KATNAL2: variants seen among roughly 807,000 people sequenced by gnomAD.
KATNAL2 encodes the protein katanin p60 ATPase-containing subunit A-like 2.
Under a neutral mutation model 76.3 loss-of-function variants are expected in KATNAL2, and 52 were observed. That is an observed-to-expected ratio of 0.68 (90% CI 0.55 to 0.86). The LOEUF is 0.86. KATNAL2 is among the 40% of genes least tolerant of loss of function. The pLI, the probability that KATNAL2 is intolerant of heterozygous loss-of-function variation, is 0.00. For missense variants in KATNAL2, 660 were observed against 668.9 expected (o/e 0.99, Z 0.15); for synonymous variants, 243 against 244.2 (o/e 1.00, Z 0.05).
intron 3 of KATNAL2, chr18:47,033,007 C>A (rs1017975763): frequency 7.4e-6 from 12 of 1,613,986 alleles, no homozygotes; most frequent in African/African-American, 4.0e-5. Flanking sequence ...CTGAGTTTAT[C>A]GTCGGGAGAA....
chr18:46,944,354 A>G (rs969328078), intron 1 of KATNAL2, among the ~76,000 whole-genome samples: 2 of 152,228 alleles, frequency 1.3e-5, no homozygotes, highest in African/African-American at 4.8e-5. Flanking sequence ...AAAAATTAAT[A>G]CAAATAAAAA....
intron 3 of KATNAL2, chr18:47,033,359 C>T (rs78014467): frequency 0.03 from 48,085 of 1,614,130 alleles, 910 homozygotes; most frequent in South Asian, 0.037. Context: ...GCCTCTCTGC[C>T]GTTGGGGTTG....
At chr18:47,098,304 G>T in intron 15 of KATNAL2, 1 of 301,856 alleles carries the variant, frequency 3.3e-6, no homozygotes, top group Non-Finnish European at 6.5e-6. Context: ...AAATTAACTG[G>T]ACTTACAGTT....
At position 46,919,005 on chromosome 18, in the gene KATNAL2, A is replaced by ATG. The variant is rs778074259; in HGVS notation, c.-510+1080_-510+1081insGT. Among the ~76,000 whole-genome samples the ATG allele has an allele frequency of 7.2e-3, 1,067 of 147,264 alleles. 2 individuals carry two copies. Among genetic ancestry groups the ATG allele is most frequent in the Non-Finnish European group, 0.011 (732 of 67,416 alleles). On this transcript the variant is annotated intron_variant, in intron 1 of 17. Coordinates refer to ENST00000683218, the MANE Select transcript of KATNAL2 (RefSeq NM_001387690.1). ...TATATGTGTGTGCGTGTATATATAT[A>ATG]TATGTGTGTGTGTGTGTGTGTGTGT...
intron 1 of KATNAL2, among the ~76,000 whole-genome samples, chr18:46,931,016 C>T (rs929472208): frequency 1.3e-5 from 2 of 151,620 alleles, no homozygotes; most frequent in Non-Finnish European, 1.5e-5. Flanking sequence ...AGAAGAATTG[C>T]TTGAACCCAG....
chr18:46,918,902 C>T (rs1325853853), intron 1 of KATNAL2, among the ~76,000 whole-genome samples: 2 of 152,086 alleles, frequency 1.3e-5, no homozygotes, highest in African/African-American at 2.4e-5. Context: ...TATGACCTCT[C>T]CTAGGACCCT....
At chr18:47,059,329 G>A (rs2061562710) in intron 7 of KATNAL2, among the ~76,000 whole-genome samples, 1 of 152,238 alleles carries the variant, frequency 6.6e-6, no homozygotes, top group Non-Finnish European at 1.5e-5. Flanking sequence ...GGGGCCCATG[G>A]GGCCTGGCAT....
chr18:47,063,493 C>G (rs959225472), intron 10 of KATNAL2, 132 bp downstream of exon 10: 4 of 632,800 alleles, frequency 6.3e-6, no homozygotes, highest in South Asian at 2.1e-5. Flanking sequence ...TGCGCAGGCA[C>G]TCATATTGTT....
At chr18:47,095,208 G>A (rs564949670) in intron 15 of KATNAL2, among the ~76,000 whole-genome samples, 1 of 152,310 alleles carries the variant, frequency 6.6e-6, no homozygotes, top group South Asian at 2.1e-4. Flanking sequence ...GTAGGAGGAA[G>A]CAGAGGTGAT....
rs1014812807 is a variant in KATNAL2, at chr18:47,098,989, ATCCT to A, written c.1212-243_1212-240del. On this transcript the variant is annotated intron_variant, in intron 15 of 17. Transcript: ENST00000683218. ...GTGCTCTTTTCCTTTTCTTCCATTC[ATCCT>A]TCCTTCCTTCTCTTTCTTCTCCTTC... 19 of 344,074 alleles carry A rather than the reference ATCCT, an allele frequency of 5.5e-5. 1 individual carries two copies. The highest frequency in any genetic ancestry group is 2.7e-4 in the Admixed American group (6 of 22,412). The allele number at this position is 344,074 out of a possible 1,614,324, so 21.3% of individuals were successfully genotyped here.
chr18:47,055,609 A>G (rs982591480), intron 6 of KATNAL2, among the ~76,000 whole-genome samples: 2 of 152,230 alleles, frequency 1.3e-5, no homozygotes, highest in African/African-American at 4.8e-5. Flanking sequence ...GAAGAGTTTT[A>G]TCGCTTTGAC....
chr18:47,068,402 T>C (rs1446132623), intron 11 of KATNAL2, among the ~76,000 whole-genome samples: 3 of 152,184 alleles, frequency 2.0e-5, no homozygotes, highest in Non-Finnish European at 2.9e-5. Context: ...CACTTAAGGG[T>C]AAGAAATACA....
At chr18:46,930,193 G>A (rs11876140) in intron 1 of KATNAL2, among the ~76,000 whole-genome samples, 11,613 of 152,174 alleles carry the variant, frequency 0.076, 473 homozygotes, top group African/African-American at 0.098. Context: ...CCTTAACCTT[G>A]AAATTATTTG....
At chr18:47,040,121 A>G (rs1294416121) in intron 3 of KATNAL2, among the ~76,000 whole-genome samples, 1 of 152,258 alleles carries the variant, frequency 6.6e-6, no homozygotes, top group Non-Finnish European at 1.5e-5. Context: ...CTTATAAGAC[A>G]TACTACTCCT....
intron 1 of KATNAL2, among the ~76,000 whole-genome samples, chr18:46,924,526 T>C (rs1462884345): frequency 6.6e-6 from 1 of 152,200 alleles, no homozygotes; most frequent in African/African-American, 2.4e-5. Context: ...TCCAGCTTTG[T>C]TCTTTTGGCT....
At chr18:47,058,114 T>G (rs2061521795) in intron 6 of KATNAL2, 121 bp from the exon 7 acceptor site, 1 of 726,720 alleles carries the variant, frequency 1.4e-6, no homozygotes, top group African/African-American at 1.8e-5. Context: ...GGCCCTATAG[T>G]TGCCACCTGC....
chr18:46,959,996 G>C (rs1286672899), intron 3 of KATNAL2, among the ~76,000 whole-genome samples: 2 of 152,322 alleles, frequency 1.3e-5, no homozygotes, highest in African/African-American at 2.4e-5. Context: ...CACCAGACCA[G>C]GTCTCCTGTA....
chr18:46,931,129 AT>A (rs1352733619), intron 1 of KATNAL2, among the ~76,000 whole-genome samples: 61 of 138,030 alleles, frequency 4.4e-4, no homozygotes, highest in African/African-American at 1.6e-3. Flanking sequence ...AATAATAATA[AT>A]AATAATAATA....
chr18:47,048,855 G>A (rs1339833412), intron 4 of KATNAL2, among the ~76,000 whole-genome samples: 3 of 65,340 alleles, frequency 4.6e-5, no homozygotes, highest in African/African-American at 6.5e-5. Flanking sequence ...TTTTTTTTGA[G>A]ACGGAGTCTC....
Sources: gnomAD v4.1 joint callset for allele counts (sites outside exome capture counted in the v4.1 genomes callset) on GRCh38, gnomAD v4.1.1 for gene constraint, MANE v1.5 for transcripts, NCBI Gene and HGNC (gene_info 2026-07-23, HGNC 2026-07-21) for gene names.